Variants in SLC44A5 observed in about 807,000 individuals in gnomAD.
SLC44A5 encodes choline transporter-like protein 5.
Under a neutral mutation model 101.8 loss-of-function variants are expected in SLC44A5, and 57 were observed. The observed-to-expected ratio is 0.56, with a 90% CI of 0.45 to 0.70. The LOEUF is 0.70. SLC44A5 is among the 30% of genes least tolerant of loss of function. The probability of loss-of-function intolerance (pLI) is 0.00; values close to 1 mark genes in which losing one functional copy is unlikely to be tolerated. For missense variants in SLC44A5, 737 were observed against 853.1 expected (o/e 0.86, Z 1.70); for synonymous variants, 281 against 290.9 (o/e 0.97, Z 0.35).
chr1:75,633,465 T>G, the SLC44A5 span, among the ~76,000 whole-genome samples: 6,654 of 152,248 alleles, frequency 0.044, 201 homozygotes, highest in African/African-American at 0.091. Flanking sequence ...CCTAGGTATT[T>G]TATTCTCTTT....
chr1:75,643,725 G>A, the SLC44A5 span, among the ~76,000 whole-genome samples: 1 of 152,212 alleles, frequency 6.6e-6, no homozygotes, highest in African/African-American at 2.4e-5. Context: ...CCTGGCCTGC[G>A]GCCAAGTAAG....
chr1:75,474,164 C>A (rs1355457653), intron 2 of SLC44A5, among the ~76,000 whole-genome samples: 1 of 152,028 alleles, frequency 6.6e-6, no homozygotes, highest in African/African-American at 2.4e-5. Flanking sequence ...TGGGGAATGG[C>A]AACAATCTGA....
chr1:75,505,957 A>AT (rs1187130980), intron 2 of SLC44A5, among the ~76,000 whole-genome samples: 3 of 151,952 alleles, frequency 2.0e-5, no homozygotes, highest in African/African-American at 7.3e-5. Context: ...ATTTCCTAGA[A>AT]TTTTTTCTAG....
In SLC44A5 at chr1:75,300,649, T is replaced by C. The variant is rs1291146639; in HGVS notation, c.138A>G (p.Leu46=). Residue 46 remains leucine (L), a synonymous_variant, in exon 5 of 24, where the codon CTA becomes CTG. Coordinates refer to ENST00000370859, the MANE Select transcript of SLC44A5 (RefSeq NM_001130058.2). ...CTDVLCCMIF[L]LCIIGYIVLG... ...AAACAATGTAGCCAATAATACACAG[T>C]AGGAAGATCATACAGCACAGAACAT... The C allele has an allele frequency of 1.2e-6, 2 of 1,606,684 alleles. No homozygotes were observed. Among genetic ancestry groups the C allele is most frequent in the Admixed American group, 1.7e-5 (1 of 59,218 alleles).
At chr1:75,203,940 G>GT (rs34950114) in intron 23 of SLC44A5, 107 bp from the exon 24 acceptor site, 29 of 1,079,388 alleles carry the variant, frequency 2.7e-5, no homozygotes, top group African/African-American at 1.8e-4. Context: ...TCCTTTTGTT[G>GT]TTTTTTTTTT....
intron 1 of SLC44A5, among the ~76,000 whole-genome samples, chr1:75,574,403 T>C (rs1275311418): frequency 1.3e-5 from 2 of 152,214 alleles, no homozygotes; most frequent in Non-Finnish European, 2.9e-5. Context: ...AAATTTGGGA[T>C]GTTATCTTCT....
intron 3 of SLC44A5, among the ~76,000 whole-genome samples, chr1:75,349,726 T>C (rs951591524): frequency 2.0e-5 from 3 of 152,126 alleles, no homozygotes; most frequent in Non-Finnish European, 4.4e-5. Flanking sequence ...TAATAAAGTC[T>C]TGTGGGGTTA....
intron 2 of SLC44A5, among the ~76,000 whole-genome samples, chr1:75,405,284 T>C (rs1369863091): frequency 6.6e-6 from 1 of 152,112 alleles, no homozygotes; most frequent in Non-Finnish European, 1.5e-5. Flanking sequence ...ACTGTCAATA[T>C]TAAACAGATC....
the SLC44A5 span, among the ~76,000 whole-genome samples, chr1:75,654,089 T>C: frequency 6.6e-6 from 1 of 152,204 alleles, no homozygotes; most frequent in African/African-American, 2.4e-5. Flanking sequence ...TATAATTTTC[T>C]GGTTAAATTA....
At chr1:75,516,736 C>T (rs1669862294) in intron 2 of SLC44A5, among the ~76,000 whole-genome samples, 2 of 152,108 alleles carry the variant, frequency 1.3e-5, no homozygotes, top group African/African-American at 2.4e-5. Flanking sequence ...GGCACACAGT[C>T]GCCCAACAAG....
At chr1:75,216,117 T>G (rs937773143) in intron 18 of SLC44A5, among the ~76,000 whole-genome samples, 1 of 152,144 alleles carries the variant, frequency 6.6e-6, no homozygotes, top group Admixed American at 6.6e-5. Flanking sequence ...CAACAGTAAC[T>G]GCTCATTCCC....
chr1:75,423,819 T>G (rs1664152780), intron 2 of SLC44A5, among the ~76,000 whole-genome samples: 1 of 152,226 alleles, frequency 6.6e-6, no homozygotes, highest in South Asian at 2.1e-4. Flanking sequence ...TAAGTTGAAA[T>G]TTTGCCAAGA....
the SLC44A5 span, among the ~76,000 whole-genome samples, chr1:75,712,758 TA>T: frequency 4.3e-4 from 64 of 150,506 alleles, no homozygotes; most frequent in African/African-American, 1.3e-3. Flanking sequence ...TGCTGTCGTT[TA>T]AAAAAAATTA....
chr1:75,555,762 T>G (rs1377785413), intron 1 of SLC44A5, among the ~76,000 whole-genome samples: 1 of 152,104 alleles, frequency 6.6e-6, no homozygotes, highest in Non-Finnish European at 1.5e-5. Context: ...ACTAGACTTA[T>G]GGACAAAGTG....
At chr1:75,706,846 C>T in the SLC44A5 span, among the ~76,000 whole-genome samples, 1 of 151,994 alleles carries the variant, frequency 6.6e-6, no homozygotes, top group African/African-American at 2.4e-5. Context: ...CTGTAGTGTC[C>T]ACAGCAGCTA....
intron 2 of SLC44A5, among the ~76,000 whole-genome samples, chr1:75,539,801 C>A (rs964024001): frequency 5.3e-5 from 8 of 152,036 alleles, no homozygotes; most frequent in Non-Finnish European, 1.2e-4. Context: ...AAAAAGTAGA[C>A]GTCACTGTGA....
chr1:75,374,314 C>CTCA (rs1326296540), intron 3 of SLC44A5, among the ~76,000 whole-genome samples: 7 of 152,210 alleles, frequency 4.6e-5, no homozygotes. Flanking sequence ...AATCACCAGA[C>CTCA]TACCTGCAGA....
intron 1 of SLC44A5, among the ~76,000 whole-genome samples, chr1:75,602,388 A>G (rs770126268): frequency 8.5e-5 from 13 of 152,156 alleles, no homozygotes; most frequent in Non-Finnish European, 1.8e-4. Context: ...TATTCAATGC[A>G]GTTTTCATAA....
At chr1:75,261,946 C>A (rs557970500) in intron 6 of SLC44A5, among the ~76,000 whole-genome samples, 2 of 152,198 alleles carry the variant, frequency 1.3e-5, no homozygotes, top group South Asian at 4.1e-4. Context: ...TTCAACAGCC[C>A]TTCATGCTAA....
Sources: gnomAD v4.1 joint callset for allele counts (sites outside exome capture counted in the v4.1 genomes callset) on GRCh38, gnomAD v4.1.1 for gene constraint, MANE v1.5 for transcripts, NCBI Gene and HGNC (gene_info 2026-07-23, HGNC 2026-07-21) for gene names.